PTPRN2: variants seen among roughly 807,000 people sequenced by gnomAD.
The protein encoded by PTPRN2 is receptor-type tyrosine-protein phosphatase N2.
Under a neutral mutation model 118.8 loss-of-function variants are expected in PTPRN2, and 74 were observed. The ratio of observed to expected loss-of-function variants is 0.62; its 90% CI spans 0.52 to 0.76. The LOEUF (loss-of-function observed/expected upper bound fraction) is 0.76, where lower values mean the gene tolerates loss of function less well. Ranked by LOEUF, PTPRN2 falls within the 30% of genes least tolerant of loss-of-function variation. PTPRN2 has a pLI of 0.00. For synonymous variants in PTPRN2, 641 were observed against 608.0 expected (o/e 1.05, Z -0.80); for missense variants, 1,481 against 1,394.4 (o/e 1.06, Z -0.99).
chr7:158,429,128 G>A (rs899028891), intron 2 of PTPRN2, among the ~76,000 whole-genome samples: 7 of 152,130 alleles, frequency 4.6e-5, no homozygotes, highest in African/African-American at 1.2e-4. Flanking sequence ...ACATGCTTCC[G>A]GATCCAACCG....
chr7:157,713,906 G>A (rs2109304), intron 12 of PTPRN2, among the ~76,000 whole-genome samples: 3 of 151,944 alleles, frequency 2.0e-5, no homozygotes, highest in East Asian at 1.9e-4. Context: ...AGCACGCCTC[G>A]CTCCCCTTCA....
chr7:158,045,947 C>A (rs1346639096), intron 11 of PTPRN2, among the ~76,000 whole-genome samples: 8 of 139,032 alleles, frequency 5.8e-5, no homozygotes, highest in Non-Finnish European at 1.1e-4. Flanking sequence ...GCAGAACCTG[C>A]GATCCTGGCA....
intron 11 of PTPRN2, among the ~76,000 whole-genome samples, chr7:158,012,915 T>C (rs1341497855): frequency 6.6e-6 from 1 of 152,104 alleles, no homozygotes; most frequent in Non-Finnish European, 1.5e-5. Flanking sequence ...CAGTTCTATC[T>C]CTCCAGAAGA....
intron 11 of PTPRN2, among the ~76,000 whole-genome samples, chr7:157,939,585 A>C (rs1799920881): frequency 6.6e-6 from 1 of 152,190 alleles, no homozygotes; most frequent in African/African-American, 2.4e-5. Flanking sequence ...ATTTGCCAAA[A>C]CCCATAATGT....
intron 3 of PTPRN2, among the ~76,000 whole-genome samples, chr7:158,313,122 G>A (rs564625844): frequency 3.3e-5 from 5 of 152,164 alleles, no homozygotes; most frequent in Non-Finnish European, 5.9e-5. Flanking sequence ...GTGTGCAAAT[G>A]TGTCTGTGTC....
intron 3 of PTPRN2, among the ~76,000 whole-genome samples, chr7:158,227,563 T>A (rs1416042325): frequency 6.6e-6 from 1 of 152,092 alleles, no homozygotes; most frequent in Non-Finnish European, 1.5e-5. Context: ...GGTCAGCACA[T>A]TGCAGGATCT....
At chr7:158,283,663 A>C (rs1275916640) in intron 3 of PTPRN2, among the ~76,000 whole-genome samples, 1 of 152,124 alleles carries the variant, frequency 6.6e-6, no homozygotes, top group Non-Finnish European at 1.5e-5. Context: ...CAATGGCATA[A>C]TGACCGGACC....
intron 11 of PTPRN2, among the ~76,000 whole-genome samples, chr7:158,010,248 G>A (rs530852253): frequency 5.3e-5 from 8 of 152,220 alleles, no homozygotes; most frequent in African/African-American, 1.4e-4. Context: ...CTCCAGGTCC[G>A]TCCTTTCCTT....
chr7:158,163,232 C>T lies in PTPRN2; in HGVS notation c.910+3699G>A, dbSNP rs74652495. Reference sequence around the variant, plus strand: ...TATATTTCATAGGTGATGCCTATACCAGGTTCTCAATTCTCTCTATTTCTT... The same window carrying T: ...TATATTTCATAGGTGATGCCTATACTAGGTTCTCAATTCTCTCTATTTCTT... On this transcript the variant is annotated intron_variant, in intron 6 of 22. Transcript: ENST00000389418. Among the ~76,000 whole-genome samples, 1,043 of 149,242 alleles carry T rather than the reference C, an allele frequency of 7.0e-3. 17 individuals are homozygous for T. The highest frequency in any genetic ancestry group is 0.025 in the African/African-American group (1,001 of 40,490).
intron 3 of PTPRN2, among the ~76,000 whole-genome samples, chr7:158,270,800 AC>A (rs1246539166): frequency 8.7e-4 from 10 of 11,478 alleles, no homozygotes; most frequent in East Asian, 6.4e-3. Flanking sequence ...CACCTGGACC[AC>A]CCCCTCACCT....
At position 158,488,367 on chromosome 7, in the gene PTPRN2, G is replaced by A. The variant is rs368877918; in HGVS notation, c.163+1368C>T. Among the ~76,000 whole-genome samples, 74 of 152,194 alleles carry A rather than the reference G, an allele frequency of 4.9e-4. No homozygotes were observed. The East Asian group carries it at 0.011, about 24-fold the overall frequency. On this transcript the variant is annotated intron_variant, in intron 2 of 22. Coordinates refer to ENST00000389418, the MANE Select transcript of PTPRN2 (RefSeq NM_002847.5). ...GTCACACTCGGCACAGGAATCTCCC[G>A]AAAGAAGAGAAAACAGCAGAAGCTG...
intron 11 of PTPRN2, among the ~76,000 whole-genome samples, chr7:157,969,184 A>C (rs1353672527): frequency 6.6e-6 from 1 of 151,538 alleles, no homozygotes; most frequent in Non-Finnish European, 1.5e-5. Flanking sequence ...ACCATAGCTC[A>C]CTGCAGCCAC....
chr7:157,995,085 T>C (rs201983985), intron 11 of PTPRN2, among the ~76,000 whole-genome samples: 2 of 106,338 alleles, frequency 1.9e-5, no homozygotes, highest in Non-Finnish European at 1.8e-5. Context: ...CTAAAATCAA[T>C]GCCACGTCCC....
intron 12 of PTPRN2, among the ~76,000 whole-genome samples, chr7:157,820,652 GCA>G (rs1463683490): frequency 6.6e-6 from 1 of 151,980 alleles, no homozygotes; most frequent in African/African-American, 2.4e-5. Flanking sequence ...ACACACACAT[GCA>G]CACACACATA....
At chr7:158,407,143 G>A (rs1352259361) in intron 2 of PTPRN2, among the ~76,000 whole-genome samples, 4 of 143,666 alleles carry the variant, frequency 2.8e-5, no homozygotes, top group East Asian at 4.5e-4. Flanking sequence ...CCTGCGTCCT[G>A]CGTCCTGGGT....
At chr7:158,308,611 A>G (rs921184814) in intron 3 of PTPRN2, among the ~76,000 whole-genome samples, 1 of 150,830 alleles carries the variant, frequency 6.6e-6, no homozygotes, top group African/African-American at 2.4e-5. Flanking sequence ...AGAAAAAATG[A>G]CAGAGAGTGT....
At position 157,629,060 on chromosome 7, in the gene PTPRN2, G is replaced by A. The variant is rs1218370313; in HGVS notation, c.2197-7551C>T. On this transcript the variant is annotated intron_variant, in intron 14 of 22. Transcript: ENST00000389418. This position sits in a 1 kb window ranked among gnomAD's most constrained non-coding sequence, Gnocchi z 4.4. ...CATCTGATGCAGGACCCGCTCACAC[G>A]AAACATGCTCGCCTTCCTGTTGGCA... Among the ~76,000 whole-genome samples, 2 of 152,146 alleles carry A rather than the reference G, an allele frequency of 1.3e-5. No individual in the cohort carries two copies. Among genetic ancestry groups the A allele is most frequent in the Admixed American group, 6.5e-5 (1 of 15,268 alleles).
intron 3 of PTPRN2, among the ~76,000 whole-genome samples, chr7:158,314,072 C>G (rs10949713): frequency 0.94 from 142,482 of 152,172 alleles, 66,772 homozygotes; most frequent in Non-Finnish European, 0.96. Flanking sequence ...ACTCCGGCAC[C>G]CTGCCCCCGC....
At chr7:157,862,498 G>A (rs1810312954) in intron 12 of PTPRN2, 1 of 152,244 alleles carries the variant, frequency 6.6e-6, no homozygotes, top group Non-Finnish European at 1.5e-5. Context: ...ACTAACTGGG[G>A]TCAGGATCCA....
Sources: allele counts gnomAD v4.1 joint callset (sites outside exome capture counted in the v4.1 genomes callset), GRCh38; gene constraint gnomAD v4.1.1; non-coding constraint Gnocchi (gnomAD v3.1); transcripts MANE v1.5; gene names NCBI Gene and HGNC (gene_info 2026-07-23, HGNC 2026-07-21).